Variants in SPAG16 observed in about 807,000 individuals in gnomAD.
SPAG16 encodes sperm-associated antigen 16 protein.
In SPAG16, 86 loss-of-function variants were observed where a neutral mutation model predicts 80.4. The observed-to-expected ratio is 1.07, with a 90% CI of 0.90 to 1.28. The LOEUF is 1.28. SPAG16 is among the 50% of genes most tolerant of loss of function. The probability of loss-of-function intolerance (pLI) is 0.00; values close to 1 mark genes in which losing one functional copy is unlikely to be tolerated. For missense variants in SPAG16, 870 were observed against 765.3 expected (o/e 1.14, Z -1.61); for synonymous variants, 294 against 265.9 (o/e 1.11, Z -1.03).
At chr2:214,319,502 GAAA>G (rs3044978) in intron 15 of SPAG16, among the ~76,000 whole-genome samples, 73,847 of 145,868 alleles carry the variant, frequency 0.51, 21,923 homozygotes, top group Non-Finnish European at 0.68. Flanking sequence ...AGATCCACTG[GAAA>G]AAAAAAAAAA....
intron 6 of SPAG16, among the ~76,000 whole-genome samples, chr2:213,342,370 T>C (rs58075048): frequency 0.021 from 3,065 of 145,240 alleles, 102 homozygotes; most frequent in African/African-American, 0.072. Context: ...ATTACATATA[T>C]ATGTATTATA....
At chr2:214,368,097 G>A (rs2126082879) in intron 15 of SPAG16, among the ~76,000 whole-genome samples, 1 of 152,136 alleles carries the variant, frequency 6.6e-6, no homozygotes, top group South Asian at 2.1e-4. Context: ...AGTCTACGGA[G>A]CCTCCTCTTT....
At chr2:214,301,829 ATTTG>A (rs1694573409) in intron 15 of SPAG16, among the ~76,000 whole-genome samples, 1 of 150,334 alleles carries the variant, frequency 6.7e-6, no homozygotes, top group African/African-American at 2.5e-5. Context: ...TTTGGGTTTT[ATTTG>A]TTCTTGTTTT....
chr2:214,410,445 T>G lies in SPAG16; in HGVS notation c.*130T>G. On this transcript the variant is annotated 3_prime_UTR_variant, in exon 16 of 16. Transcript: ENST00000331683. ...TTTACAGTCTGCTTTAAAACATGCT[T>G]TGGACATATATTTTAGTGCTCATAC... 1 of 821,148 alleles carries G rather than the reference T, an allele frequency of 1.2e-6. No individual in the cohort carries two copies. Among genetic ancestry groups the G allele is most frequent in the Non-Finnish European group, 1.8e-6 (1 of 545,230 alleles). The allele number at this position is 821,148 out of a possible 1,614,324, so 50.9% of individuals were successfully genotyped here.
rs1387109371 is a variant in SPAG16 at position 213,538,426 on chromosome 2, G to T, written c.1070+48336G>T. 3.3e-5 allele frequency among the ~76,000 whole-genome samples: 5 copies of T among 152,016 alleles called. No individual in the cohort carries two copies. The East Asian group carries it at 9.6e-4, about 29-fold the overall frequency. The stretch of plus-strand genomic sequence containing the variant: ...AAATCTTTCTGTGCCTCAGGAATGA[G>T]TAGTATATTTTATGATTTTCTAAGG... On this transcript the variant is annotated intron_variant, in intron 10 of 15. Transcript: ENST00000331683.
chr2:214,191,810 C>T (rs749710911), intron 15 of SPAG16, among the ~76,000 whole-genome samples: 7 of 148,024 alleles, frequency 4.7e-5, no homozygotes, highest in Non-Finnish European at 1.0e-4. Flanking sequence ...TTCTAGAAAA[C>T]GATTTCCGTA....
intron 15 of SPAG16, among the ~76,000 whole-genome samples, chr2:214,394,689 T>C (rs2126133388): frequency 6.6e-6 from 1 of 152,334 alleles, no homozygotes; most frequent in South Asian, 2.1e-4. Context: ...CAAAATCCCC[T>C]GCCAGAGTGG....
chr2:213,287,655 T>C (rs114299794), intron 1 of SPAG16, among the ~76,000 whole-genome samples: 3 of 152,166 alleles, frequency 2.0e-5, no homozygotes, highest in Non-Finnish European at 4.4e-5. Context: ...TACTGGCCAA[T>C]GAAAAAGGCT....
intron 10 of SPAG16, among the ~76,000 whole-genome samples, chr2:213,716,688 C>T (rs1574918844): frequency 6.6e-6 from 1 of 152,070 alleles, no homozygotes; most frequent in African/African-American, 2.4e-5. Flanking sequence ...CAAGTTTAGC[C>T]GTATACAACT....
At chr2:214,132,286 A>T (rs1248055475) in intron 14 of SPAG16, among the ~76,000 whole-genome samples, 1 of 152,230 alleles carries the variant, frequency 6.6e-6, no homozygotes, top group Non-Finnish European at 1.5e-5. Context: ...TGTGTAAATG[A>T]TCTGGAACAG....
At chr2:214,259,602 A>C (rs2125868025) in intron 15 of SPAG16, among the ~76,000 whole-genome samples, 1 of 137,494 alleles carries the variant, frequency 7.3e-6, no homozygotes, top group East Asian at 2.2e-4. Flanking sequence ...CCAGGCGTTC[A>C]CTCTCCTTCA....
At chr2:214,344,752 G>C (rs1035358992) in intron 15 of SPAG16, among the ~76,000 whole-genome samples, 1 of 152,134 alleles carries the variant, frequency 6.6e-6, no homozygotes, top group South Asian at 2.1e-4. Flanking sequence ...ACTTGTTGCA[G>C]TTTCAGACTA....
intron 15 of SPAG16, among the ~76,000 whole-genome samples, chr2:214,199,403 A>C (rs2057946701): frequency 6.6e-6 from 1 of 152,072 alleles, no homozygotes; most frequent in Non-Finnish European, 1.5e-5. Context: ...GTCGAAGATC[A>C]GTTGGCTATA....
intron 6 of SPAG16, among the ~76,000 whole-genome samples, chr2:213,344,456 G>A (rs1188217531): frequency 6.6e-6 from 1 of 151,786 alleles, no homozygotes; most frequent in Non-Finnish European, 1.5e-5. Flanking sequence ...GTATACATGT[G>A]CCATGTTGGT....
chr2:213,458,842 C>G (rs143005966), intron 9 of SPAG16, among the ~76,000 whole-genome samples: 2,133 of 152,200 alleles, frequency 0.014, 21 homozygotes, highest in South Asian at 0.022. Context: ...TTTAAAATTT[C>G]CCCTTTATCT....
intron 9 of SPAG16, among the ~76,000 whole-genome samples, chr2:213,456,120 C>T (rs970146933): frequency 6.6e-6 from 1 of 152,074 alleles, no homozygotes; most frequent in African/African-American, 2.4e-5. Context: ...CACTTTTGTG[C>T]GTAAGGTATT....
intron 10 of SPAG16, among the ~76,000 whole-genome samples, chr2:213,719,588 C>A (rs958954125): frequency 6.6e-6 from 1 of 152,154 alleles, no homozygotes; most frequent in Non-Finnish European, 1.5e-5. Context: ...GCAGGCTGCC[C>A]GAGCCAGCAT....
At chr2:213,490,299 T>C (rs1277269034) in intron 10 of SPAG16, among the ~76,000 whole-genome samples, 1 of 152,176 alleles carries the variant, frequency 6.6e-6, no homozygotes, top group African/African-American at 2.4e-5. Flanking sequence ...CTAAGTGCAC[T>C]ATTGTGTATT....
intron 15 of SPAG16, among the ~76,000 whole-genome samples, chr2:214,293,641 G>A (rs560326917): frequency 6.6e-6 from 1 of 152,210 alleles, no homozygotes; most frequent in Non-Finnish European, 1.5e-5. Context: ...GGGGAGGCTG[G>A]GGCCACTCTC....
Sources: allele counts gnomAD v4.1 joint callset (sites outside exome capture counted in the v4.1 genomes callset), GRCh38; gene constraint gnomAD v4.1.1; transcripts MANE v1.5; gene names NCBI Gene and HGNC (gene_info 2026-07-23, HGNC 2026-07-21).